GPR39: variants seen among roughly 807,000 people sequenced by gnomAD.
The protein encoded by GPR39 is G protein-coupled receptor 39.
Under a neutral mutation model 18.4 loss-of-function variants are expected in GPR39, and 23 were observed. The observed-to-expected ratio is 1.25, with a 90% CI of 0.90 to 1.77. The LOEUF (loss-of-function observed/expected upper bound fraction) is 1.77, where lower values mean the gene tolerates loss of function less well. Among genes scored for constraint, GPR39 ranks in the 40% most tolerant of loss-of-function variants. The pLI is 0.00. For synonymous variants in GPR39, 280 were observed against 257.9 expected (o/e 1.09, Z -0.82); for missense variants, 647 against 602.4 (o/e 1.07, Z -0.78).
At chr2:132,454,760 T>A (rs1219026764) in intron 1 of GPR39, among the ~76,000 whole-genome samples, 17 of 152,164 alleles carry the variant, frequency 1.1e-4, no homozygotes, top group Non-Finnish European at 2.9e-5. Flanking sequence ...TTGTCATTGG[T>A]TCTGTTTATG....
chr2:132,558,547 G>A lies in GPR39; in HGVS notation c.857-86554G>A, dbSNP rs113971221. Among the ~76,000 whole-genome samples the A allele has an allele frequency of 8.8e-3, 1,333 of 152,298 alleles. 26 individuals are homozygous for A. The highest frequency in any genetic ancestry group is 0.031 in the African/African-American group (1,277 of 41,564). ...CACAATGTAACTGGCAGGTCCTAAT[G>A]AGCTGGGGGCACCGGGAAGCATTTT... On this transcript the variant is annotated intron_variant, in intron 1 of 1. Coordinates refer to ENST00000329321, the MANE Select transcript of GPR39 (RefSeq NM_001508.3).
chr2:132,558,401 G>A (rs998204744), intron 1 of GPR39, among the ~76,000 whole-genome samples: 1 of 152,164 alleles, frequency 6.6e-6, no homozygotes, highest in African/African-American at 2.4e-5. Flanking sequence ...GATACACAGA[G>A]GCTCATGACT....
At chr2:132,455,366 C>T (rs1275961161) in intron 1 of GPR39, among the ~76,000 whole-genome samples, 1 of 152,028 alleles carries the variant, frequency 6.6e-6, no homozygotes, top group Non-Finnish European at 1.5e-5. Flanking sequence ...TTTGATTCTT[C>T]TCTCTTTTCT....
At chr2:132,529,351 C>G (rs1359695608) in intron 1 of GPR39, among the ~76,000 whole-genome samples, 1 of 152,320 alleles carries the variant, frequency 6.6e-6, no homozygotes, top group East Asian at 1.9e-4. Flanking sequence ...AACAAAGTGG[C>G]CAGGAAGCTC....
chr2:132,588,486 T>C (rs1280069788), intron 1 of GPR39, among the ~76,000 whole-genome samples: 2 of 152,180 alleles, frequency 1.3e-5, no homozygotes, highest in Non-Finnish European at 2.9e-5. Flanking sequence ...TAAGAAAACA[T>C]GGAGGCTGGG....
chr2:132,638,039 A>G (rs1284480680), intron 1 of GPR39, among the ~76,000 whole-genome samples: 1 of 152,118 alleles, frequency 6.6e-6, no homozygotes. Context: ...ATTGCTTTAC[A>G]TACTGGAGAA....
intron 1 of GPR39, among the ~76,000 whole-genome samples, chr2:132,630,695 C>T (rs1237489401): frequency 6.6e-6 from 1 of 152,076 alleles, no homozygotes; most frequent in East Asian, 1.9e-4. Flanking sequence ...TAGCCCCAAT[C>T]AGGGTTGTGG....
intron 1 of GPR39, among the ~76,000 whole-genome samples, chr2:132,537,161 T>C (rs964870267): frequency 5.9e-5 from 9 of 152,168 alleles, no homozygotes; most frequent in African/African-American, 1.7e-4. Context: ...TTCTTCATAG[T>C]GTCATTGGTC....
chr2:132,613,265 C>T (rs1392975023), intron 1 of GPR39, among the ~76,000 whole-genome samples: 1 of 152,176 alleles, frequency 6.6e-6, no homozygotes, highest in Non-Finnish European at 1.5e-5. Context: ...CTCTGTCGCA[C>T]TCCATGTAGA....
intron 1 of GPR39, among the ~76,000 whole-genome samples, chr2:132,560,159 A>G (rs905593913): frequency 4.6e-5 from 7 of 152,028 alleles, no homozygotes; most frequent in African/African-American, 1.7e-4. Context: ...CCAACCGCCC[A>G]CCTGCCATTA....
intron 1 of GPR39, among the ~76,000 whole-genome samples, chr2:132,496,013 C>G (rs1395064017): frequency 1.3e-5 from 2 of 152,152 alleles, no homozygotes; most frequent in Non-Finnish European, 2.9e-5. Context: ...CAAGGCTTCT[C>G]TTAATGAGCC....
Position 132,645,693 on chromosome 2 carries a change from C to T in GPR39, c.*87C>T, listed in dbSNP as rs1682030935. ...CACTCTGCAGTCTCAAACTATGCCCCCATCAGGGATGGAATGGACACTGGA... is the reference window on the plus strand; with the variant it reads ...CACTCTGCAGTCTCAAACTATGCCCTCATCAGGGATGGAATGGACACTGGA... On this transcript the variant is annotated 3_prime_UTR_variant, in exon 2 of 2. Coordinates refer to ENST00000329321, the MANE Select transcript of GPR39 (RefSeq NM_001508.3). 1.3e-6 allele frequency: 2 copies of T among 1,506,554 alleles called. No individual in the cohort carries two copies. Among genetic ancestry groups the T allele is most frequent in the South Asian group, 2.6e-5 (2 of 75,472 alleles). 93.3% of individuals were successfully genotyped at this position (1,506,554 alleles called of 1,614,324 possible).
At chr2:132,564,803 C>CTTTTTTTTTTTTTTTTTT (rs1680316668) in intron 1 of GPR39, among the ~76,000 whole-genome samples, 5 of 91,704 alleles carry the variant, frequency 5.5e-5, no homozygotes, top group East Asian at 8.0e-4. Flanking sequence ...CTATTTTTTT[C>CTTTTTTTTTTTTTTTTTT]TTTTTTCTTT....
intron 1 of GPR39, among the ~76,000 whole-genome samples, chr2:132,479,189 C>T (rs572736192): frequency 1.4e-4 from 21 of 152,238 alleles, no homozygotes; most frequent in African/African-American, 4.6e-4. Context: ...CCAGGCACTG[C>T]GGAGGATAGA....
At chr2:132,620,243 C>A (rs1200623686) in intron 1 of GPR39, among the ~76,000 whole-genome samples, 1 of 152,150 alleles carries the variant, frequency 6.6e-6, no homozygotes, top group Non-Finnish European at 1.5e-5. Flanking sequence ...AGGCAGGAGG[C>A]TGCAGCTCCA....
chr2:132,620,792 A>T (rs1172492222), intron 1 of GPR39, among the ~76,000 whole-genome samples: 1 of 152,014 alleles, frequency 6.6e-6, no homozygotes, highest in African/African-American at 2.4e-5. Flanking sequence ...TCGCTCTGTC[A>T]CCCAGGCTGG....
rs1291418314 is a variant in GPR39 at position 132,532,050 on chromosome 2, T to G, written c.857-113051T>G. ...CACAAAAAACCCTTCAAAAAATCAA[T>G]GAATCCAGGAGCTGGTTTTTTGAAA... On this transcript the variant is annotated intron_variant, in intron 1 of 1. Transcript: ENST00000329321. 2.6e-5 allele frequency among the ~76,000 whole-genome samples: 4 copies of G among 152,030 alleles called. No homozygotes were observed. The East Asian group carries it at 7.7e-4, about 29-fold the overall frequency.
chr2:132,424,062 A>G (rs763844590), intron 1 of GPR39, among the ~76,000 whole-genome samples: 1 of 152,190 alleles, frequency 6.6e-6, no homozygotes, highest in African/African-American at 2.4e-5. Flanking sequence ...TCAAACCAAC[A>G]TGCAAAACAT....
chr2:132,611,654 T>C (rs540857278), intron 1 of GPR39, among the ~76,000 whole-genome samples: 1 of 151,054 alleles, frequency 6.6e-6, no homozygotes, highest in East Asian at 1.9e-4. Flanking sequence ...TGGAGCTTCA[T>C]GGCTCAAAGC....
Sources: allele counts gnomAD v4.1 joint callset (sites outside exome capture counted in the v4.1 genomes callset), GRCh38; gene constraint gnomAD v4.1.1; transcripts MANE v1.5; gene names NCBI Gene and HGNC (gene_info 2026-07-23, HGNC 2026-07-21).